GTPBP4: variants seen among roughly 807,000 people sequenced by gnomAD.
GTPBP4 encodes GTP-binding protein 4.
Under a neutral mutation model 81.7 loss-of-function variants are expected in GTPBP4, and 15 were observed. That is an observed-to-expected ratio of 0.18 (90% CI 0.12 to 0.28). The LOEUF is 0.28. Ranked by LOEUF, GTPBP4 falls within the 10% of genes least tolerant of loss-of-function variation. The pLI, the probability that GTPBP4 is intolerant of heterozygous loss-of-function variation, is 1.00. For synonymous variants in GTPBP4, 272 were observed against 274.6 expected (o/e 0.99, Z 0.09); for missense variants, 847 against 793.8 (o/e 1.07, Z -0.81).
At chr10:1,010,558 T>C (rs1831835226) in intron 13 of GTPBP4, 38 bp downstream of exon 13, 1 of 1,086,392 alleles carries the variant, frequency 9.2e-7, no homozygotes, top group Non-Finnish European at 1.4e-6. Context: ...TGTTTTCCTT[T>C]TTATTATAGT....
At chr10:1,000,301 TA>T (rs1439426934) in intron 6 of GTPBP4, among the ~76,000 whole-genome samples, 2 of 142,172 alleles carry the variant, frequency 1.4e-5, no homozygotes, top group Non-Finnish European at 3.0e-5. Context: ...GCAGTGTCGC[TA>T]TCTTGGCTCA....
intron 2 of GTPBP4, 102 bp downstream of exon 2, chr10:992,761 A>G (rs1831467650): frequency 1.4e-5 from 9 of 659,362 alleles, no homozygotes; most frequent in Middle Eastern, 5.3e-4. Flanking sequence ...AGGAAACAAA[A>G]TAATTGACTT....
rs1455602027 is a variant in GTPBP4, at chr10:1,017,080, G to A, written c.1758G>A (p.Val586=). The A allele has an allele frequency of 1.2e-6, 2 of 1,609,858 alleles. No individual in the cohort carries two copies. Among genetic ancestry groups the A allele is most frequent in the Admixed American group, 1.7e-5 (1 of 58,920 alleles). The change falls in exon 17 of 17, where the codon GTG becomes GTA. Residue 586 remains valine (V), a synonymous_variant. Transcript: ENST00000360803. ...DVSGLRDVKM[V]KKAKTMMKNA... ...TTTTTTTCTCCTCCTTTTAGATGGT[G>A]AAGAAAGCCAAGACTATGATGAAGA... is the stretch of plus-strand genomic sequence containing the variant.
At chr10:991,897 G>A (rs1332306286) in intron 1 of GTPBP4, among the ~76,000 whole-genome samples, 27 of 146,454 alleles carry the variant, frequency 1.8e-4, no homozygotes, top group South Asian at 4.3e-4. Context: ...GGGTTTCACC[G>A]TGTTAGCCAG....
rs773751824 is a variant in GTPBP4, at chr10:1,019,547, A to C, written c.*2320A>C. 6.2e-7 allele frequency: 1 copy of C among 1,613,582 alleles called. No individual in the cohort carries two copies. The highest frequency in any genetic ancestry group is 1.1e-5 in the South Asian group (1 of 91,038). On this transcript the variant is annotated 3_prime_UTR_variant, in exon 17 of 17. Coordinates refer to ENST00000360803, the MANE Select transcript of GTPBP4 (RefSeq NM_012341.3). The stretch of plus-strand genomic sequence containing the variant: ...CTCTGTGTATTTTGTGAAGCTCCAC[A>C]AACGGGGTCACGTCATCCAGGTGAG...
At position 1,002,969 on chromosome 10, in the gene GTPBP4, A is replaced by G. The variant is rs551920525; in HGVS notation, c.912+1956A>G. Among the ~76,000 whole-genome samples, 33 of 152,310 alleles carry G rather than the reference A, an allele frequency of 2.2e-4. 1 individual carries two copies. The South Asian group carries it at 5.8e-3, about 27-fold the overall frequency. ...TGTCTATACCTCTCCCCAGTCTTGG[A>G]AAGTTTTCAGCTATCTCATTAAATA... is the stretch of plus-strand genomic sequence containing the variant. On this transcript the variant is annotated intron_variant, in intron 8 of 16. Coordinates refer to ENST00000360803, the MANE Select transcript of GTPBP4 (RefSeq NM_012341.3).
intron 1 of GTPBP4, among the ~76,000 whole-genome samples, chr10:989,507 T>TCC (rs1256765914): frequency 1.3e-5 from 2 of 152,166 alleles, no homozygotes; most frequent in Admixed American, 1.3e-4. Flanking sequence ...AACTGGAGCC[T>TCC]CCCAGGGACT....
At chr10:999,276 G>A (rs1282576423) in intron 6 of GTPBP4, among the ~76,000 whole-genome samples, 181 bp downstream of exon 6, 2 of 152,016 alleles carry the variant, frequency 1.3e-5, no homozygotes, top group Admixed American at 1.3e-4. Flanking sequence ...ACACCACCAC[G>A]ACCGGCCAAT....
intron 13 of GTPBP4, among the ~76,000 whole-genome samples, chr10:1,010,834 C>T: frequency 1.2e-5 from 1 of 84,030 alleles, no homozygotes; most frequent in Non-Finnish European, 2.2e-5. Flanking sequence ...GCACCTCTTC[C>T]CTGTCCCGAC....
chr10:1,018,751 T>C lies in GTPBP4; in HGVS notation c.*1524T>C, dbSNP rs1238896874. 6.8e-6 allele frequency: 1 copy of C among 146,460 alleles called. No homozygotes were observed. The highest frequency in any genetic ancestry group is 1.5e-5 in the Non-Finnish European group (1 of 67,470). 9.1% of individuals were successfully genotyped at this position (146,460 alleles called of 1,614,324 possible). On this transcript the variant is annotated 3_prime_UTR_variant, in exon 17 of 17. Coordinates refer to ENST00000360803, the MANE Select transcript of GTPBP4 (RefSeq NM_012341.3). ...TGAACCCGGGAGGCGGAGCTTGCAG[T>C]GAGCCAAGATCGCACCACTGCACTC...
intron 11 of GTPBP4, 64 bp downstream of exon 11, chr10:1,009,099 T>C (rs1044106283): frequency 4.1e-6 from 5 of 1,228,574 alleles, no homozygotes; most frequent in Non-Finnish European, 6.0e-6. Flanking sequence ...GTGCCCATCG[T>C]GGGGGCCTGG....
chr10:1,009,925 G>A (rs986577523), intron 12 of GTPBP4, among the ~76,000 whole-genome samples: 1 of 152,218 alleles, frequency 6.6e-6, no homozygotes, highest in Non-Finnish European at 1.5e-5. Flanking sequence ...ACCCTAGGAG[G>A]ACAAGGCTGC....
intron 10 of GTPBP4, chr10:1,008,353 C>T (rs1208425452): frequency 5.4e-6 from 2 of 367,668 alleles, no homozygotes; most frequent in South Asian, 2.1e-5. Context: ...TGCAGTGAGC[C>T]GAGATCACTC....
chr10:1,011,664 T>G (rs1003361865), intron 13 of GTPBP4, among the ~76,000 whole-genome samples: 5 of 152,268 alleles, frequency 3.3e-5, no homozygotes, highest in African/African-American at 9.6e-5. Flanking sequence ...GTGCTCCCTG[T>G]GCCTCCATAG....
In GTPBP4 at chr10:1,015,812, A is replaced by T; in HGVS notation, c.1668A>T (p.Glu556Asp). ...GCATCACTAGGAAAAGAAAGCGGGA[A>T]GACTCTGCTCCCCCGTCCTCTGTGG... ...SRSITRKRKR[E>D]DSAPPSSVAR... The change falls in exon 16 of 17, where the codon GAA (glutamate) becomes GAT (aspartate). Residue 556 changes from glutamate (E) to aspartate (D), a missense_variant. By Grantham distance (45) the Glu-to-Asp change is conservative. Around this residue, in one of 3 missense-constraint regions of GTPBP4, gnomAD observed 600 missense variants for 557.1 expected, o/e 1.08. Transcript: ENST00000360803. The T allele has an allele frequency of 6.2e-7, 1 of 1,614,050 alleles. No homozygotes were observed. The highest frequency in any genetic ancestry group is 1.7e-5 in the Admixed American group (1 of 60,028).
At chr10:1,013,905 G>T (rs1171747454) in intron 14 of GTPBP4, among the ~76,000 whole-genome samples, 1 of 152,200 alleles carries the variant, frequency 6.6e-6, no homozygotes, top group Admixed American at 6.5e-5. Context: ...GAGGAGAGAG[G>T]TTGGCGCACT....
At chr10:999,616 T>C (rs1288016360) in intron 6 of GTPBP4, among the ~76,000 whole-genome samples, 1 of 152,228 alleles carries the variant, frequency 6.6e-6, no homozygotes, top group African/African-American at 2.4e-5. Flanking sequence ...GAAATTATCT[T>C]TGTGTCATTT....
In GTPBP4 at chr10:1,007,008, A is replaced by G. The variant is rs1222653663; in HGVS notation, c.1003-10A>G. 5 of 1,569,306 alleles carry G rather than the reference A, an allele frequency of 3.2e-6. No homozygotes were observed. The African/African-American group carries it at 6.8e-5, about 21-fold the overall frequency. Reference sequence around the variant, plus strand: ...CGTTTGTGACTGTGCCTTCTTTTTTACGTTATTAGGCTTGCGATAGGCTTT... The same window carrying G: ...CGTTTGTGACTGTGCCTTCTTTTTTGCGTTATTAGGCTTGCGATAGGCTTT... On this transcript the variant is annotated splice_polypyrimidine_tract_variant and intron_variant, in intron 9 of 16. Coordinates refer to ENST00000360803, the MANE Select transcript of GTPBP4 (RefSeq NM_012341.3).
chr10:1,012,764 A>T, intron 14 of GTPBP4, 102 bp downstream of exon 14: 1 of 721,886 alleles, frequency 1.4e-6, no homozygotes, highest in Non-Finnish European at 2.3e-6. Flanking sequence ...TTATGGCCAT[A>T]AGATTGCACA....
Sources: allele counts gnomAD v4.1 joint callset (sites outside exome capture counted in the v4.1 genomes callset), GRCh38; gene constraint gnomAD v4.1.1; regional missense constraint gnomAD v4.1.1; transcripts MANE v1.5; gene names NCBI Gene and HGNC (gene_info 2026-07-23, HGNC 2026-07-21).